ROCK2: variants seen among roughly 807,000 people sequenced by gnomAD.
ROCK2 encodes rho-associated protein kinase 2.
ROCK2 carries 61 observed loss-of-function variants against 195.1 expected under a neutral mutation model. The observed-to-expected ratio is 0.31, with a 90% CI of 0.25 to 0.39. The LOEUF (loss-of-function observed/expected upper bound fraction) is 0.39, where lower values mean the gene tolerates loss of function less well. Among genes scored for constraint, ROCK2 ranks in the 10% least tolerant of loss-of-function variants. The pLI, the probability that ROCK2 is intolerant of heterozygous loss-of-function variation, is 1.00. For synonymous variants in ROCK2, 504 were observed against 545.5 expected, an observed-to-expected ratio of 0.92 and a Z score of 1.06; for missense variants, 1,109 against 1,637.4, an observed-to-expected ratio of 0.68 and a Z score of 5.57.
At chr2:11,203,516 T>C (rs761505519) in intron 20 of ROCK2, among the ~76,000 whole-genome samples, 3 of 152,134 alleles carry the variant, frequency 2.0e-5, no homozygotes, top group South Asian at 4.1e-4. Context: ...TGGGAAGCTA[T>C]ATGAACACCA....
At chr2:11,283,968 T>C (rs901750459) in intron 3 of ROCK2, among the ~76,000 whole-genome samples, 5 of 152,372 alleles carry the variant, frequency 3.3e-5, no homozygotes, top group Admixed American at 6.5e-5. Flanking sequence ...TGGATGTCTA[T>C]AGTGCTTTAC....
At chr2:11,215,213 A>G (rs1195347273) in intron 15 of ROCK2, 108 bp downstream of exon 15, 14 of 1,451,282 alleles carry the variant, frequency 9.6e-6, no homozygotes, top group African/African-American at 2.9e-5. Context: ...TTTCCAAATG[A>G]TTTCTAAAAT....
intron 1 of ROCK2, among the ~76,000 whole-genome samples, chr2:11,343,414 C>T (rs1669171143): frequency 6.6e-6 from 1 of 152,056 alleles, no homozygotes; most frequent in Non-Finnish European, 1.5e-5. Flanking sequence ...GGCTCTGGCG[C>T]AATAATCTCA....
At chr2:11,212,871 T>C (rs942614963) in intron 17 of ROCK2, among the ~76,000 whole-genome samples, 3 of 152,320 alleles carry the variant, frequency 2.0e-5, no homozygotes, top group African/African-American at 7.2e-5. Context: ...CTTCTACTAC[T>C]ATAGCCTACT....
chr2:11,337,460 G>C (rs1164497314), intron 1 of ROCK2, among the ~76,000 whole-genome samples: 1 of 152,054 alleles, frequency 6.6e-6, no homozygotes, highest in African/African-American at 2.4e-5. Context: ...TATATAAATG[G>C]CCCGTAAGTG....
At chr2:11,308,611 T>C in intron 1 of ROCK2, 4 of 1,476,702 alleles carry the variant, frequency 2.7e-6, no homozygotes, top group African/African-American at 1.4e-5. Flanking sequence ...AGGATCTGAA[T>C]GGCATAGACT....
intron 30 of ROCK2, 100 bp downstream of exon 30, chr2:11,193,679 A>G: frequency 1.6e-6 from 1 of 608,988 alleles, no homozygotes; most frequent in Non-Finnish European, 2.9e-6. Flanking sequence ...AGAGGGTCAA[A>G]GAATGAAGAG....
intron 1 of ROCK2, among the ~76,000 whole-genome samples, chr2:11,330,052 G>A (rs1040217750): frequency 2.6e-5 from 4 of 152,024 alleles, no homozygotes; most frequent in African/African-American, 9.7e-5. Flanking sequence ...TATGGAATTA[G>A]GAATTCTCAT....
In ROCK2 at chr2:11,224,441, C is replaced by T. The variant is rs759965081; in HGVS notation, c.888G>A (p.Ala296=). The T allele has an allele frequency of 1.3e-5, 21 of 1,611,468 alleles. No individual in the cohort carries two copies. The highest frequency in any genetic ancestry group is 9.4e-5 in the African/African-American group (7 of 74,746). ...TGCTATATGTTCCTACAAGTGAATC[C>T]GCATAAAATGGAGTATCCCCTAAAA... ...EMLVGDTPFY[A]DSLVGTYSKI... The change falls in exon 7 of 33, where the codon GCG becomes GCA. Residue 296 remains alanine (A), a synonymous_variant. Transcript: ENST00000315872.
intron 6 of ROCK2, among the ~76,000 whole-genome samples, chr2:11,225,275 AG>A (rs2148082057): frequency 6.6e-6 from 1 of 152,306 alleles, no homozygotes; most frequent in East Asian, 1.9e-4. Context: ...CAAGTGTTAC[AG>A]GCTCTGCCAG....
At chr2:11,208,232 A>G (rs1156930226) in intron 19 of ROCK2, 55 bp downstream of exon 19, 1 of 835,444 alleles carries the variant, frequency 1.2e-6, no homozygotes, top group Non-Finnish European at 1.6e-6. Flanking sequence ...ACCTTCATGA[A>G]TAAACCTATT....
At chr2:11,287,757 G>A (rs754305549) in intron 1 of ROCK2, 21 bp from the exon 2 acceptor site, 7 of 1,011,840 alleles carry the variant, frequency 6.9e-6, no homozygotes, top group Non-Finnish European at 8.3e-6. Context: ...ATAAAAAGAG[G>A]AAATGACAGT....
chr2:11,254,095 A>G (rs1219232635), intron 3 of ROCK2, among the ~76,000 whole-genome samples: 1 of 152,240 alleles, frequency 6.6e-6, no homozygotes, highest in Non-Finnish European at 1.5e-5. Context: ...AGCATGACAC[A>G]ATACATTTGT....
At chr2:11,278,010 GAAGT>G (rs369034800) in intron 3 of ROCK2, among the ~76,000 whole-genome samples, 6 of 152,234 alleles carry the variant, frequency 3.9e-5, no homozygotes, top group African/African-American at 1.2e-4. Context: ...ATGGTGTTTT[GAAGT>G]AAGTATATGC....
intron 11 of ROCK2, 53 bp downstream of exon 11, chr2:11,218,402 G>C: frequency 6.8e-7 from 1 of 1,464,998 alleles, no homozygotes; most frequent in Non-Finnish European, 9.3e-7. Context: ...TAAACTTTGC[G>C]AGAGTGATGA....
intron 1 of ROCK2, among the ~76,000 whole-genome samples, chr2:11,332,621 T>G (rs1228051532): frequency 6.6e-6 from 1 of 152,186 alleles, no homozygotes; most frequent in Non-Finnish European, 1.5e-5. Flanking sequence ...ATGGAGAAAC[T>G]GGAACCCTTA....
In ROCK2 at chr2:11,271,591, T is replaced by G. The variant is rs140430919; in HGVS notation, c.324+14948A>C. ...AGTCTCTTCAGCATTTTATTTGTTG[T>G]TAGGATGGATGGTGATTTCCAAGCT... is the stretch of plus-strand genomic sequence containing the variant. On this transcript the variant is annotated intron_variant, in intron 3 of 32. Coordinates refer to ENST00000315872, the MANE Select transcript of ROCK2 (RefSeq NM_004850.5). Among the ~76,000 whole-genome samples the G allele has an allele frequency of 7.1e-3, 1,088 of 152,196 alleles. 16 individuals are homozygous for G. The highest frequency in any genetic ancestry group is 0.025 in the African/African-American group (1,035 of 41,532).
chr2:11,213,278 T>C (rs762258638), intron 17 of ROCK2, among the ~76,000 whole-genome samples: 3 of 152,176 alleles, frequency 2.0e-5, no homozygotes, highest in Non-Finnish European at 4.4e-5. Flanking sequence ...GTACCTCTAA[T>C]AAGATCATCC....
At chr2:11,236,146 A>G (rs1665195556) in intron 4 of ROCK2, among the ~76,000 whole-genome samples, 184 bp from the exon 5 acceptor site, 1 of 152,192 alleles carries the variant, frequency 6.6e-6, no homozygotes, top group Non-Finnish European at 1.5e-5. Context: ...GTATCAGACA[A>G]AATTTTTATA....
Sources: gnomAD v4.1 joint callset for allele counts (sites outside exome capture counted in the v4.1 genomes callset) on GRCh38, gnomAD v4.1.1 for gene constraint, MANE v1.5 for transcripts, NCBI Gene and HGNC (gene_info 2026-07-23, HGNC 2026-07-21) for gene names.